Variants in ZNF467 observed in about 807,000 individuals in gnomAD.
ZNF467 encodes zinc finger protein 467, also known as zinc finger protein EZI.
A neutral mutation model predicts 47.8 loss-of-function variants in ZNF467; 51 were observed. That is an observed-to-expected ratio of 1.07 (90% confidence interval 0.85 to 1.35). ZNF467 has a LOEUF of 1.35. ZNF467 is among the 40% of genes most tolerant of loss of function. ZNF467 has a pLI of 0.00. For missense variants in ZNF467, 992 were observed against 858.1 expected (o/e 1.16, Z -1.95); for synonymous variants, 416 against 372.9 (o/e 1.12, Z -1.33).
In ZNF467 at chr7:149,764,555, G is replaced by T; in HGVS notation, c.*159C>A. The T allele has an allele frequency of 7.5e-7, 1 of 1,332,464 alleles. No homozygotes were observed. The highest frequency in any genetic ancestry group is 1.0e-6 in the Non-Finnish European group (1 of 955,872). The allele number at this position is 1,332,464 out of a possible 1,614,324, so 82.5% of individuals were successfully genotyped here. ...CTCTGTCCTAGGAGGTCCGAGCTGG[G>T]TATGCTGTGCGGACGCAGACACTGC... On this transcript the variant is annotated 3_prime_UTR_variant, in exon 5 of 5. Coordinates refer to ENST00000302017, the MANE Select transcript of ZNF467 (RefSeq NM_207336.3).
chr7:149,770,759 T>G (rs963592000), intron 2 of ZNF467, among the ~76,000 whole-genome samples: 1 of 152,236 alleles, frequency 6.6e-6, no homozygotes. Context: ...AAGGAAGAGA[T>G]GGCATAGATG....
Position 149,764,644 on chromosome 7 carries a change from A to C in ZNF467, c.*70T>G, listed in dbSNP as rs962991759. 6.4e-7 allele frequency: 1 copy of C among 1,554,888 alleles called. No homozygotes were observed. The highest frequency in any genetic ancestry group is 8.7e-7 in the Non-Finnish European group (1 of 1,149,060). Reference sequence around the variant, plus strand: ...GGCAGCAGCCCAGGTCGCCTTGCTCACCCCAGGCGGTCTCATGGCACGGGC... The same window carrying C: ...GGCAGCAGCCCAGGTCGCCTTGCTCCCCCCAGGCGGTCTCATGGCACGGGC... On this transcript the variant is annotated 3_prime_UTR_variant, in exon 5 of 5. Coordinates refer to ENST00000302017, the MANE Select transcript of ZNF467 (RefSeq NM_207336.3).
At chr7:149,767,122 C>A (rs1799249668) in intron 4 of ZNF467, among the ~76,000 whole-genome samples, 1 of 152,250 alleles carries the variant, frequency 6.6e-6, no homozygotes, top group Admixed American at 6.5e-5. Flanking sequence ...TCTCCTCTGT[C>A]ACTAACTAGG....
chr7:149,767,614 C>T (rs1164861047), intron 4 of ZNF467, among the ~76,000 whole-genome samples: 1 of 152,138 alleles, frequency 6.6e-6, no homozygotes, highest in Non-Finnish European at 1.5e-5. Context: ...TGCAATGGGA[C>T]GATAATGACT....
intron 3 of ZNF467, among the ~76,000 whole-genome samples, chr7:149,770,175 T>C (rs1262413204): frequency 7.2e-5 from 11 of 151,974 alleles, no homozygotes; most frequent in Admixed American, 7.2e-4. Flanking sequence ...TTTCCTTATT[T>C]ATTGTTTGCT....
chr7:149,764,316 G>T lies in ZNF467; in HGVS notation c.*398C>A. ...TGGATGGAGGTGGGACAGTGGCTAAGGAGAGTCAGGTGTTCCCTCCCCCAA... is the reference window on the plus strand; with the variant it reads ...TGGATGGAGGTGGGACAGTGGCTAATGAGAGTCAGGTGTTCCCTCCCCCAA... On this transcript the variant is annotated 3_prime_UTR_variant, in exon 5 of 5. Coordinates refer to ENST00000302017, the MANE Select transcript of ZNF467 (RefSeq NM_207336.3). The T allele has an allele frequency of 3.7e-5, 17 of 460,868 alleles. No homozygotes were observed. Among genetic ancestry groups the T allele is most frequent in the Admixed American group, 1.2e-4 (3 of 24,576 alleles). 28.5% of individuals were successfully genotyped at this position (460,868 alleles called of 1,614,324 possible).
At position 149,773,476 on chromosome 7, in the gene ZNF467, G is replaced by T; in HGVS notation, c.-411C>A. The stretch of plus-strand genomic sequence containing the variant: ...GCCTGGAGTAGGTGTGGAAGTGGGA[G>T]CTCAGGACGGGGGAGGGGAGGGGAG... On this transcript the variant is annotated 5_prime_UTR_variant, in exon 1 of 5. Coordinates refer to ENST00000302017, the MANE Select transcript of ZNF467 (RefSeq NM_207336.3). The T allele has an allele frequency of 7.9e-6, 1 of 126,452 alleles. No homozygotes were observed. Among genetic ancestry groups the T allele is most frequent in the African/African-American group, 3.3e-5 (1 of 30,598 alleles). The allele number at this position is 126,452 out of a possible 1,614,324, so 7.8% of individuals were successfully genotyped here.
At chr7:149,768,944 A>G (rs1454597260) in intron 4 of ZNF467, 146 bp downstream of exon 4, 1 of 590,746 alleles carries the variant, frequency 1.7e-6, no homozygotes. Context: ...GAAAGGTGCC[A>G]GGGCCTGAAC....
upstream of ZNF467, among the ~76,000 whole-genome samples, chr7:149,773,651 G>C (rs907728714): frequency 9.8e-5 from 14 of 143,232 alleles, no homozygotes; most frequent in Non-Finnish European, 1.7e-4. Context: ...CGGGTGGGGG[G>C]GTGGCGGGGA....
intron 1 of ZNF467, among the ~76,000 whole-genome samples, chr7:149,771,782 T>C: frequency 9.0e-6 from 1 of 111,338 alleles, no homozygotes; most frequent in East Asian, 3.2e-4. Context: ...TCCCGCTCCC[T>C]CTGCCTTCCG....
chr7:149,765,435 G>A lies in ZNF467; in HGVS notation c.1067C>T (p.Ala356Val). The A allele has an allele frequency of 6.3e-7, 1 of 1,580,232 alleles. No individual in the cohort carries two copies. The highest frequency in any genetic ancestry group is 8.6e-7 in the Non-Finnish European group (1 of 1,163,914). The change falls in exon 5 of 5, where the codon GCG becomes GTG. Residue 356 changes from alanine to valine, a missense_variant. Physicochemically the swap from Ala to Val is moderately conservative, Grantham distance 64. Transcript: ENST00000302017. ...TPSFPGPKPF[A>V]CSDCGLSFGW... ...GAAGCTCAAGCCGCAGTCGGAGCAC[G>A]CGAAAGGCTTTGGCCCGGGAAAGGA...
chr7:149,765,505 C>G lies in ZNF467; in HGVS notation c.997G>C (p.Asp333His). 6.3e-7 allele frequency: 1 copy of G among 1,581,854 alleles called. No homozygotes were observed. The highest frequency in any genetic ancestry group is 2.3e-5 in the East Asian group (1 of 43,734). ...GTGGAATGAGGAGAAGCGGACGAGT[C>G]GGGAGAGGGCCTGGCCGGGCCGGCC... ...QTAGPARPSP[D>H]SSASPHSTAP... is the part of the protein sequence containing the mutation. The change falls in exon 5 of 5, where the codon GAC (aspartate) becomes CAC (histidine). Residue 333 changes from aspartate (D) to histidine (H), a missense_variant. Coordinates refer to ENST00000302017, the MANE Select transcript of ZNF467 (RefSeq NM_207336.3).
At position 149,765,803 on chromosome 7, in the gene ZNF467, G is replaced by A; in HGVS notation, c.699C>T (p.Arg233=). 1.9e-6 allele frequency: 3 copies of A among 1,610,930 alleles called. No individual in the cohort carries two copies. Among genetic ancestry groups the A allele is most frequent in the Non-Finnish European group, 2.5e-6 (3 of 1,178,846 alleles). The change falls in exon 5 of 5, where the codon CGC becomes CGT. Residue 233 remains arginine (R), a synonymous_variant. Transcript: ENST00000302017. The part of the protein sequence containing the change: ...KRFSKKAHLT[R]HLRTHTGERP... The stretch of plus-strand genomic sequence containing the variant: ...GCTCGCCCGTGTGCGTGCGCAGGTG[G>A]CGGGTCAGATGGGCCTTCTTGCTGA...
chr7:149,767,291 G>T (rs145944658), intron 4 of ZNF467, among the ~76,000 whole-genome samples: 1 of 152,242 alleles, frequency 6.6e-6, no homozygotes, highest in East Asian at 1.9e-4. Flanking sequence ...ACAAATGGGG[G>T]CAAGGCCCAC....
Position 149,764,620 on chromosome 7 carries a change from G to A in ZNF467, c.*94C>T. The A allele has an allele frequency of 6.5e-7, 1 of 1,548,990 alleles. No homozygotes were observed. Among genetic ancestry groups the A allele is most frequent in the Non-Finnish European group, 8.7e-7 (1 of 1,146,450 alleles). On this transcript the variant is annotated 3_prime_UTR_variant, in exon 5 of 5. Transcript: ENST00000302017. ...TGTCCCGCGGCGGCCAAACCTTCGG[G>A]CAGCAGCCCAGGTCGCCTTGCTCAC...
At position 149,765,695 on chromosome 7, in the gene ZNF467, C is replaced by T; in HGVS notation, c.807G>A (p.Glu269=). Residue 269 remains glutamate (E), a synonymous_variant, in exon 5 of 5, where the codon GAG becomes GAA. Transcript: ENST00000302017. Reference sequence around the variant, plus strand: ...CGCATTCCGTGCAGGGGAAGGGCCGCTCGCCGGTGTGGGTCTTTTGGTGCG... The same window carrying T: ...CGCATTCCGTGCAGGGGAAGGGCCGTTCGCCGGTGTGGGTCTTTTGGTGCG... ...LGSHQKTHTG[E]RPFPCTECEK... 6.2e-7 allele frequency: 1 copy of T among 1,613,522 alleles called. No individual in the cohort carries two copies. Among genetic ancestry groups the T allele is most frequent in the Middle Eastern group, 1.6e-4 (1 of 6,062 alleles).
upstream of ZNF467, chr7:149,776,416 C>G: frequency 7.4e-7 from 1 of 1,359,420 alleles, no homozygotes; most frequent in East Asian, 4.6e-5. Flanking sequence ...GGACCTGGTA[C>G]CCTGTGCCAG....
chr7:149,776,491 A>G (rs202034436), upstream of ZNF467: 5,148 of 1,322,472 alleles, frequency 3.9e-3, 14 homozygotes, highest in Non-Finnish European at 4.7e-3. Context: ...CTCGGGGCTT[A>G]CCCGGTCCCC....
chr7:149,764,766 G>T lies in ZNF467; in HGVS notation c.1736C>A (p.Ala579Asp). ...CTCGGGGGGAGCGGACCAGGCTGGG[G>T]CCGCAAGGGCGGCGTCCGGGGCCGC... Reference protein sequence around the residue: ...AHAAPDAALAAPAWSAPPEVA... With the variant: ...AHAAPDAALADPAWSAPPEVA... The change falls in exon 5 of 5, where the codon GCC (alanine) becomes GAC (aspartate). Residue 579 changes from alanine to aspartate, a missense_variant. Transcript: ENST00000302017. The T allele has an allele frequency of 1.3e-6, 2 of 1,527,308 alleles. No individual in the cohort carries two copies. The highest frequency in any genetic ancestry group is 1.8e-6 in the Non-Finnish European group (2 of 1,136,966). 94.6% of individuals were successfully genotyped at this position (1,527,308 alleles called of 1,614,324 possible).
Sources: allele counts gnomAD v4.1 joint callset (sites outside exome capture counted in the v4.1 genomes callset), GRCh38; gene constraint gnomAD v4.1.1; transcripts MANE v1.5; gene names NCBI Gene and HGNC (gene_info 2026-07-23, HGNC 2026-07-21).